LZTFL1: variants seen among roughly 807,000 people sequenced by gnomAD.
LZTFL1 encodes the protein leucine zipper transcription factor-like protein 1.
LZTFL1 carries 25 observed loss-of-function variants against 45.9 expected under a neutral mutation model. That is an observed-to-expected ratio of 0.54 (90% CI 0.40 to 0.76). The LOEUF (loss-of-function observed/expected upper bound fraction) is 0.76, where lower values mean the gene tolerates loss of function less well. LZTFL1 is among the 30% of genes least tolerant of loss of function. LZTFL1 has a pLI of 0.00. For synonymous variants in LZTFL1, 93 were observed against 117.4 expected (o/e 0.79, Z 1.35); for missense variants, 277 against 331.1 (o/e 0.84, Z 1.27).
chr3:45,914,923 C>T (rs1702867444), intron 1 of LZTFL1, among the ~76,000 whole-genome samples: 1 of 152,214 alleles, frequency 6.6e-6, no homozygotes, highest in South Asian at 2.1e-4. Context: ...TTGGGTTCCA[C>T]ATAGGAACCC....
intron 1 of LZTFL1, among the ~76,000 whole-genome samples, chr3:45,840,906 C>T (rs931166194): frequency 6.6e-6 from 1 of 152,222 alleles, no homozygotes; most frequent in South Asian, 2.1e-4. Context: ...AGGTACTGCA[C>T]TGTTTACACG....
intron 2 of LZTFL1, among the ~76,000 whole-genome samples, chr3:45,890,491 A>C (rs1279770568): frequency 6.7e-6 from 1 of 149,106 alleles, no homozygotes; most frequent in African/African-American, 2.5e-5. Flanking sequence ...CATCTGGGGC[A>C]AAAAAAAGAA....
intron 3 of LZTFL1, chr3:45,834,902 G>A (rs547763551): frequency 6.5e-6 from 1 of 153,000 alleles, no homozygotes; most frequent in East Asian, 1.9e-4. Context: ...GACAGTGGCA[G>A]AAGTTCAATG....
At chr3:45,894,622 T>G (rs1457947381) in intron 2 of LZTFL1, among the ~76,000 whole-genome samples, 1 of 152,134 alleles carries the variant, frequency 6.6e-6, no homozygotes, top group Non-Finnish European at 1.5e-5. Flanking sequence ...GGATGGGAGA[T>G]GTACTAATTA....
chr3:45,862,558 G>A (rs914290165), intron 2 of LZTFL1, among the ~76,000 whole-genome samples: 2 of 152,194 alleles, frequency 1.3e-5, no homozygotes, highest in South Asian at 2.1e-4. Context: ...ACCAACCCTC[G>A]CGGGGAAACA....
intron 2 of LZTFL1, chr3:45,894,768 A>G (rs773304572): frequency 4.5e-6 from 3 of 670,176 alleles, no homozygotes; most frequent in African/African-American, 1.8e-5. Flanking sequence ...AGAATACTAT[A>G]TAGACTCTAA....
At chr3:45,863,580 C>A (rs768816014) in intron 2 of LZTFL1, among the ~76,000 whole-genome samples, 1 of 152,330 alleles carries the variant, frequency 6.6e-6, no homozygotes, top group East Asian at 1.9e-4. Flanking sequence ...CTCCTGGGGT[C>A]ATGAATTCCG....
At chr3:45,913,068 T>A (rs1466725112) in intron 2 of LZTFL1, 2 of 1,503,878 alleles carry the variant, frequency 1.3e-6, no homozygotes, top group Admixed American at 4.0e-5. Context: ...CCTACAGCTG[T>A]CTCAGCATAA....
intron 4 of LZTFL1, among the ~76,000 whole-genome samples, chr3:45,849,503 G>C (rs1258654001): frequency 6.6e-6 from 1 of 152,172 alleles, no homozygotes; most frequent in East Asian, 1.9e-4. Flanking sequence ...CTAAAACCCA[G>C]GGTGATATAA....
At chr3:45,895,093 A>G in intron 2 of LZTFL1, 1 of 894,060 alleles carries the variant, frequency 1.1e-6, no homozygotes, top group Non-Finnish European at 1.9e-6. Flanking sequence ...GGCAATGCGC[A>G]TTGCTGGGTA....
intron 2 of LZTFL1, among the ~76,000 whole-genome samples, chr3:45,876,988 C>G (rs73064433): frequency 6.6e-6 from 1 of 151,954 alleles, no homozygotes; most frequent in Non-Finnish European, 1.5e-5. Flanking sequence ...GGATGGAAGC[C>G]GAGACAACAG....
chr3:45,912,982 T>C (rs1702826933), intron 2 of LZTFL1: 1 of 828,214 alleles, frequency 1.2e-6, no homozygotes, highest in African/African-American at 1.7e-5. Flanking sequence ...CAAATCCTGG[T>C]TTATGGAAAA....
chr3:45,875,038 C>T (rs1447469819), intron 2 of LZTFL1, among the ~76,000 whole-genome samples: 1 of 150,752 alleles, frequency 6.6e-6, no homozygotes. Flanking sequence ...TAAAATACAA[C>T]TTGTAGAATC....
chr3:45,905,219 A>G (rs1222045198), intron 2 of LZTFL1, among the ~76,000 whole-genome samples: 1 of 152,168 alleles, frequency 6.6e-6, no homozygotes, highest in Admixed American at 6.5e-5. Flanking sequence ...AAGACACACC[A>G]TAGTGCTTCT....
chr3:45,882,836 AC>A (rs1701886416), intron 2 of LZTFL1, among the ~76,000 whole-genome samples: 2 of 140,334 alleles, frequency 1.4e-5, no homozygotes, highest in South Asian at 2.5e-4. Context: ...ATTATTATTA[AC>A]ATTTTTTTAA....
chr3:45,840,123 G>T (rs1337639277), intron 1 of LZTFL1, among the ~76,000 whole-genome samples: 1 of 152,104 alleles, frequency 6.6e-6, no homozygotes, highest in Admixed American at 6.5e-5. Context: ...ATTCCTATCT[G>T]TTCATTCCTT....
intron 2 of LZTFL1, among the ~76,000 whole-genome samples, chr3:45,877,383 G>C (rs745782152): frequency 2.0e-5 from 3 of 151,828 alleles, no homozygotes; most frequent in Non-Finnish European, 4.4e-5. Context: ...ACAGGCACAC[G>C]CCACCACGCC....
intron 4 of LZTFL1, 136 bp downstream of exon 4, chr3:45,834,102 C>T: frequency 1.7e-6 from 1 of 584,434 alleles, no homozygotes; most frequent in Non-Finnish European, 3.0e-6. Context: ...ATATGATAGA[C>T]AATTTCTGAA....
At chr3:45,849,494 T>A (rs1701274108) in intron 4 of LZTFL1, among the ~76,000 whole-genome samples, 1 of 152,144 alleles carries the variant, frequency 6.6e-6, no homozygotes, top group African/African-American at 2.4e-5. Flanking sequence ...CTGAACACAC[T>A]AAAACCCAGG....
Sources: allele counts gnomAD v4.1 joint callset (sites outside exome capture counted in the v4.1 genomes callset), GRCh38; gene constraint gnomAD v4.1.1; transcripts MANE v1.5; gene names NCBI Gene and HGNC (gene_info 2026-07-23, HGNC 2026-07-21).